BACH2: variants seen among roughly 807,000 people sequenced by gnomAD.
BACH2 encodes transcription regulator protein BACH2.
Under a neutral mutation model 61.8 loss-of-function variants are expected in BACH2, and 5 were observed. That is an observed-to-expected ratio of 0.08 (90% CI 0.04 to 0.17). The LOEUF (loss-of-function observed/expected upper bound fraction) is 0.17, where lower values mean the gene tolerates loss of function less well. BACH2 is among the 10% of genes least tolerant of loss of function. The pLI is 1.00. For missense variants in BACH2, 824 were observed against 1,091.1 expected (o/e 0.76, Z 3.45); for synonymous variants, 446 against 440.1 (o/e 1.01, Z -0.17).
rs549051135 is a variant in BACH2 at position 89,941,767 on chromosome 6, G to C, written c.1837-3417C>G. On this transcript the variant is annotated intron_variant, in intron 7 of 8. Coordinates refer to ENST00000257749, the MANE Select transcript of BACH2 (RefSeq NM_021813.4). Reference sequence around the variant, plus strand: ...CCTCTGATGACAACAAAGCCATTCTGCTTCTGCTCTAAATGTGTTTACTTA... The same window carrying C: ...CCTCTGATGACAACAAAGCCATTCTCCTTCTGCTCTAAATGTGTTTACTTA... Among the ~76,000 whole-genome samples, 215 of 152,232 alleles carry C rather than the reference G, an allele frequency of 1.4e-3. 1 individual carries two copies. The highest frequency in any genetic ancestry group is 1.5e-3 in the Non-Finnish European group (104 of 68,016).
chr6:90,040,500 T>C (rs2127790935), intron 5 of BACH2, among the ~76,000 whole-genome samples: 1 of 152,130 alleles, frequency 6.6e-6, no homozygotes, highest in African/African-American at 2.4e-5. Flanking sequence ...TTTTCTCTCT[T>C]TTTATTCTTG....
intron 4 of BACH2, among the ~76,000 whole-genome samples, chr6:90,140,834 G>A (rs917283495): frequency 3.9e-5 from 6 of 152,146 alleles, no homozygotes; most frequent in Admixed American, 6.5e-5. Context: ...TGGTTGGTGC[G>A]ACCTGGCAAC....
intron 4 of BACH2, among the ~76,000 whole-genome samples, chr6:90,189,352 T>G (rs1365630097): frequency 1.3e-5 from 2 of 151,746 alleles, no homozygotes; most frequent in South Asian, 2.1e-4. Context: ...CTCACGCCTG[T>G]AATCCCAGCA....
At chr6:89,985,087 G>A (rs1166876876) in intron 6 of BACH2, among the ~76,000 whole-genome samples, 2 of 152,144 alleles carry the variant, frequency 1.3e-5, no homozygotes, top group Non-Finnish European at 2.9e-5. Flanking sequence ...TGTGGTGGGC[G>A]GTGGGTGCTT....
At chr6:90,028,761 A>G (rs552150154) in intron 5 of BACH2, among the ~76,000 whole-genome samples, 14 of 152,162 alleles carry the variant, frequency 9.2e-5, no homozygotes, top group African/African-American at 3.4e-4. Context: ...GTGGTTGTGG[A>G]TGGAGGCTCT....
chr6:90,168,120 A>T (rs1767691873), intron 4 of BACH2, among the ~76,000 whole-genome samples: 1 of 152,212 alleles, frequency 6.6e-6, no homozygotes, highest in Admixed American at 6.5e-5. Flanking sequence ...GTACTTTGGG[A>T]GGCCAAGGTG....
intron 4 of BACH2, among the ~76,000 whole-genome samples, chr6:90,162,830 G>A (rs1767447773): frequency 6.6e-6 from 1 of 152,136 alleles, no homozygotes; most frequent in Non-Finnish European, 1.5e-5. Flanking sequence ...AAGGAACACT[G>A]CTCTGGGCAT....
chr6:90,291,349 G>C (rs931845606), intron 1 of BACH2, among the ~76,000 whole-genome samples: 8 of 152,122 alleles, frequency 5.3e-5, no homozygotes, highest in African/African-American at 1.9e-4. Context: ...TCACTAGCAG[G>C]ATGAGGTTCA....
At chr6:90,213,771 A>G (rs972094652) in intron 3 of BACH2, among the ~76,000 whole-genome samples, 8 of 152,210 alleles carry the variant, frequency 5.3e-5, no homozygotes, top group Non-Finnish European at 8.8e-5. Context: ...ACATACATAC[A>G]GTAGGCACTC....
At chr6:90,028,983 C>T (rs187956160) in intron 5 of BACH2, among the ~76,000 whole-genome samples, 2 of 152,300 alleles carry the variant, frequency 1.3e-5, no homozygotes, top group Admixed American at 1.3e-4. Context: ...GTAACTGGTC[C>T]ATCAAATTAG....
intron 3 of BACH2, among the ~76,000 whole-genome samples, chr6:90,210,248 G>A (rs139439396): frequency 2.5e-4 from 38 of 151,160 alleles, no homozygotes; most frequent in Admixed American, 4.0e-4. Context: ...ATTTCAAGAC[G>A]CTATGGAAAT....
chr6:90,037,561 T>C (rs1263968499), intron 5 of BACH2, among the ~76,000 whole-genome samples: 1 of 152,200 alleles, frequency 6.6e-6, no homozygotes, highest in Non-Finnish European at 1.5e-5. Context: ...ATTACCTACC[T>C]CTTTCTGCAA....
At chr6:90,184,281 C>G (rs556447347) in intron 4 of BACH2, among the ~76,000 whole-genome samples, 2 of 152,202 alleles carry the variant, frequency 1.3e-5, no homozygotes, top group Non-Finnish European at 2.9e-5. Flanking sequence ...TCCTCTTTAT[C>G]TAGGGTCCTC....
intron 4 of BACH2, among the ~76,000 whole-genome samples, chr6:90,165,014 T>G (rs1262622664): frequency 2.0e-5 from 3 of 152,228 alleles, no homozygotes; most frequent in Admixed American, 6.5e-5. Context: ...AAGACAGGGA[T>G]GCCCTGTCTC....
intron 3 of BACH2, among the ~76,000 whole-genome samples, chr6:90,229,515 T>G (rs1046678622): frequency 2.6e-5 from 4 of 152,146 alleles, no homozygotes; most frequent in Non-Finnish European, 4.4e-5. Flanking sequence ...TCTGTAGCTC[T>G]TAAAGATCCC....
At chr6:90,280,143 T>A (rs1771815219) in intron 1 of BACH2, among the ~76,000 whole-genome samples, 1 of 152,160 alleles carries the variant, frequency 6.6e-6, no homozygotes, top group Non-Finnish European at 1.5e-5. Flanking sequence ...ATGCTAAATA[T>A]AAAATCAATG....
At chr6:90,213,539 G>C (rs1054213900) in intron 3 of BACH2, among the ~76,000 whole-genome samples, 4 of 152,172 alleles carry the variant, frequency 2.6e-5, no homozygotes, top group South Asian at 2.1e-4. Flanking sequence ...GGCAAAGAGA[G>C]ATAGGGGCCA....
intron 7 of BACH2, among the ~76,000 whole-genome samples, chr6:89,941,560 C>T (rs1773431371): frequency 6.6e-6 from 1 of 152,194 alleles, no homozygotes; most frequent in East Asian, 1.9e-4. Context: ...GTGCACGGGG[C>T]TGTGTTTGCA....
chr6:89,950,230 G>C lies in BACH2; in HGVS notation c.1836+40C>G, dbSNP rs1455545518. The C allele has an allele frequency of 1.9e-6, 3 of 1,611,790 alleles. No individual in the cohort carries two copies. Among genetic ancestry groups the C allele is most frequent in the South Asian group, 2.2e-5 (2 of 90,966 alleles). On this transcript the variant is annotated intron_variant, in intron 7 of 8. Transcript: ENST00000257749. This position sits in a 1 kb window ranked among gnomAD's most constrained non-coding sequence, Gnocchi z 5.3. ...GGGAGTAGTCCAGATAAAGGGCCTA[G>C]AGAGTGGGTCACATGCTTGAATTTA...
Sources: allele counts gnomAD v4.1 joint callset (sites outside exome capture counted in the v4.1 genomes callset), GRCh38; gene constraint gnomAD v4.1.1; non-coding constraint Gnocchi (gnomAD v3.1); transcripts MANE v1.5; gene names NCBI Gene and HGNC (gene_info 2026-07-23, HGNC 2026-07-21).